LNX1: variants seen among roughly 807,000 people sequenced by gnomAD.
LNX1 encodes ligand of numb-protein X 1, also known as E3 ubiquitin-protein ligase LNX.
A neutral mutation model predicts 68.4 loss-of-function variants in LNX1; 54 were observed. The ratio of observed to expected loss-of-function variants is 0.79; its 90% CI spans 0.63 to 0.99. LNX1 has a LOEUF of 0.99. LNX1 is among the 50% of genes least tolerant of loss of function. The pLI is 0.00. For synonymous variants in LNX1, 336 were observed against 350.0 expected (o/e 0.96, Z 0.45); for missense variants, 906 against 926.4 (o/e 0.98, Z 0.29).
rs1475084616 is a variant in LNX1, at chr4:53,551,539, C to T, written c.380+22084G>A. ...AGGAGAAAAAGCCCTCAAGTGAGCA[C>T]GTACACAACTTCAGTAAACACACTG... On this transcript the variant is annotated intron_variant, in intron 2 of 10. Coordinates refer to ENST00000263925, the MANE Select transcript of LNX1 (RefSeq NM_001126328.3). Among the ~76,000 whole-genome samples, 5 of 152,124 alleles carry T rather than the reference C, an allele frequency of 3.3e-5. No homozygotes were observed. The East Asian group carries it at 5.8e-4, about 18-fold the overall frequency.
At chr4:53,489,045 G>T (rs1252732060) in intron 6 of LNX1, among the ~76,000 whole-genome samples, 1 of 152,156 alleles carries the variant, frequency 6.6e-6, no homozygotes, top group African/African-American at 2.4e-5. Context: ...TATAAAATGA[G>T]TTTGGTCAGA....
At chr4:53,619,465 A>T (rs1386878598), upstream of LNX1, among the ~76,000 whole-genome samples, 1 of 152,134 alleles carries the variant, frequency 6.6e-6, no homozygotes, top group South Asian at 2.1e-4. Flanking sequence ...CCTTTGTGTC[A>T]GACTTCTTTC....
chr4:53,586,530 G>A (rs994212939), intron 1 of LNX1, among the ~76,000 whole-genome samples: 2 of 152,174 alleles, frequency 1.3e-5, no homozygotes, highest in South Asian at 2.1e-4. Flanking sequence ...AAATCATGGA[G>A]TCTAAGTCCA....
intron 2 of LNX1, among the ~76,000 whole-genome samples, chr4:53,555,539 T>C (rs1271308631): frequency 6.6e-6 from 1 of 152,194 alleles, no homozygotes; most frequent in African/African-American, 2.4e-5. Flanking sequence ...CTTATGTGTA[T>C]AAATTTCAGC....
At chr4:53,576,960 A>C (rs1233363947) in intron 1 of LNX1, among the ~76,000 whole-genome samples, 2 of 152,254 alleles carry the variant, frequency 1.3e-5, no homozygotes, top group Non-Finnish European at 2.9e-5. Flanking sequence ...AGGACACTCT[A>C]GTGAAGAGGT....
At chr4:53,527,462 C>G (rs1324825938) in intron 2 of LNX1, among the ~76,000 whole-genome samples, 5 of 152,170 alleles carry the variant, frequency 3.3e-5, no homozygotes, top group Admixed American at 6.6e-5. Flanking sequence ...TCTCTACGAG[C>G]CTGGTGCTGA....
chr4:53,478,363 C>T (rs1435887879), intron 8 of LNX1, among the ~76,000 whole-genome samples: 1 of 150,884 alleles, frequency 6.6e-6, no homozygotes, highest in Non-Finnish European at 1.5e-5. Flanking sequence ...GCTTTACTTG[C>T]AGGCAAGTTG....
chr4:53,648,647 C>T (rs1734979155), intron 1 of LNX1, among the ~76,000 whole-genome samples: 1 of 152,078 alleles, frequency 6.6e-6, no homozygotes, highest in Non-Finnish European at 1.5e-5. Flanking sequence ...CTTTTGTCTC[C>T]TCTGGCTCTA....
chr4:53,614,683 G>T (rs1370686711), intron 2 of LNX1, among the ~76,000 whole-genome samples: 1 of 152,224 alleles, frequency 6.6e-6, no homozygotes, highest in African/African-American at 2.4e-5. Flanking sequence ...AAGCAGCCAA[G>T]AATGCTAATT....
chr4:53,563,418 C>T (rs1044826380), intron 2 of LNX1, among the ~76,000 whole-genome samples: 1 of 152,170 alleles, frequency 6.6e-6, no homozygotes, highest in Non-Finnish European at 1.5e-5. Context: ...GTATTAACTA[C>T]TTCTTAAGTA....
intron 1 of LNX1, among the ~76,000 whole-genome samples, chr4:53,631,443 C>G (rs1734266196): frequency 6.6e-6 from 1 of 152,140 alleles, no homozygotes; most frequent in Non-Finnish European, 1.5e-5. Flanking sequence ...GGAAATGTGA[C>G]CAAGTTGGCT....
intron 6 of LNX1, among the ~76,000 whole-genome samples, chr4:53,482,526 C>CA (rs528953905): frequency 6.6e-6 from 1 of 152,094 alleles, no homozygotes; most frequent in Non-Finnish European, 1.5e-5. Context: ...TACTCAGCCA[C>CA]AAAAAAGAAT....
chr4:53,576,902 G>T (rs1731525016), intron 1 of LNX1, among the ~76,000 whole-genome samples: 1 of 152,212 alleles, frequency 6.6e-6, no homozygotes, highest in South Asian at 2.1e-4. Flanking sequence ...GGCTTTCATT[G>T]AGTCAGCTTT....
chr4:53,569,774 G>T (rs1162757213), intron 2 of LNX1, among the ~76,000 whole-genome samples: 5 of 137,916 alleles, frequency 3.6e-5, no homozygotes, highest in Non-Finnish European at 6.2e-5. Flanking sequence ...TCTGACAAAG[G>T]GCTAATATCC....
At chr4:53,479,776 T>C (rs1723800331) in intron 7 of LNX1, among the ~76,000 whole-genome samples, 1 of 152,248 alleles carries the variant, frequency 6.6e-6, no homozygotes, top group South Asian at 2.1e-4. Flanking sequence ...TTTCTCAAAC[T>C]ATAAGATGTA....
At chr4:53,556,161 G>C (rs1729896448) in intron 2 of LNX1, among the ~76,000 whole-genome samples, 2 of 152,128 alleles carry the variant, frequency 1.3e-5, no homozygotes, top group African/African-American at 2.4e-5. Context: ...TTCCTTATAA[G>C]AAGAGGAGAA....
chr4:53,559,647 T>A (rs552098622), intron 2 of LNX1, among the ~76,000 whole-genome samples: 27 of 152,232 alleles, frequency 1.8e-4, no homozygotes, highest in South Asian at 4.2e-4. Flanking sequence ...TTAATGTTAT[T>A]GTATTTTATT....
intron 2 of LNX1, among the ~76,000 whole-genome samples, chr4:53,607,164 GT>G: frequency 6.6e-6 from 1 of 152,296 alleles, no homozygotes. Context: ...AAGAGAGGAA[GT>G]CGAACTATCC....
At chr4:53,569,977 C>G (rs955706254) in intron 2 of LNX1, among the ~76,000 whole-genome samples, 1 of 152,144 alleles carries the variant, frequency 6.6e-6, no homozygotes, top group Admixed American at 6.5e-5. Flanking sequence ...CTATCTCACA[C>G]CAGTTAGAAT....
Sources: allele counts gnomAD v4.1 joint callset (sites outside exome capture counted in the v4.1 genomes callset), GRCh38; gene constraint gnomAD v4.1.1; transcripts MANE v1.5; gene names NCBI Gene and HGNC (gene_info 2026-07-23, HGNC 2026-07-21).